KLHL2: variants seen among roughly 807,000 people sequenced by gnomAD.
KLHL2 encodes the protein kelch-like protein 2.
KLHL2 carries 15 observed loss-of-function variants against 75.8 expected under a neutral mutation model. The ratio of observed to expected loss-of-function variants is 0.20; its 90% CI spans 0.13 to 0.30. The LOEUF (loss-of-function observed/expected upper bound fraction) is 0.30. Among genes scored for constraint, KLHL2 ranks in the 10% least tolerant of loss-of-function variants. The probability of loss-of-function intolerance (pLI) is 1.00; values close to 1 mark genes in which losing one functional copy is unlikely to be tolerated. For missense variants in KLHL2, 381 were observed against 741.0 expected, an observed-to-expected ratio of 0.51 and a Z score of 5.64; for synonymous variants, 214 against 251.9, an observed-to-expected ratio of 0.85 and a Z score of 1.42.
rs546520942 is a variant in KLHL2 at position 165,208,024 on chromosome 4, G to C, written c.26+122G>C. Reference sequence around the variant, plus strand: ...GGGCCGGCGGGAGGTGGGAGATGCGGGGCGTGACGAGGCGCTGTGCCCGCA... The same window carrying C: ...GGGCCGGCGGGAGGTGGGAGATGCGCGGCGTGACGAGGCGCTGTGCCCGCA... On this transcript the variant is annotated intron_variant, in intron 1 of 14. Transcript: ENST00000226725. The C allele has an allele frequency of 1.4e-4, 86 of 602,168 alleles. No homozygotes were observed. In the East Asian group the frequency reaches 3.7e-3, roughly 26 times the overall value. The allele number at this position is 602,168 out of a possible 1,614,324, so 37.3% of individuals were successfully genotyped here.
chr4:165,235,909 A>G (rs1739309037), intron 3 of KLHL2, among the ~76,000 whole-genome samples: 1 of 152,176 alleles, frequency 6.6e-6, no homozygotes, highest in African/African-American at 2.4e-5. Flanking sequence ...CAAGTTTAGA[A>G]ATAGCGGGAG....
intron 2 of KLHL2, among the ~76,000 whole-genome samples, chr4:165,221,654 A>C (rs1578980355): frequency 6.6e-6 from 1 of 152,224 alleles, no homozygotes; most frequent in Non-Finnish European, 1.5e-5. Flanking sequence ...GATCAGATTT[A>C]TATTTTGAAC....
chr4:165,228,856 T>G lies in KLHL2; in HGVS notation c.202T>G (p.Ser68Ala), dbSNP rs146828521. The G allele has an allele frequency of 1.5e-4, 235 of 1,613,572 alleles. No homozygotes were observed. In the African/African-American group the frequency reaches 2.8e-3, roughly 19 times the overall value. Residue 68 changes from serine to alanine, a missense_variant, in exon 3 of 15, where the codon TCT (serine) becomes GCT (alanine). Ser to Ala is a moderately conservative substitution (Grantham distance 99). Transcript: ENST00000226725. ...AATTGTGGCAGAAGACATGGAAATT[T>G]CTGCTCATAGAGTGGTGCTGGCCGC... ...VTIVAEDMEI[S>A]AHRVVLAACS... is the part of the protein sequence containing the mutation.
intron 11 of KLHL2, among the ~76,000 whole-genome samples, chr4:165,311,831 G>C (rs984571062): frequency 6.6e-6 from 1 of 151,570 alleles, no homozygotes; most frequent in African/African-American, 2.4e-5. Flanking sequence ...GTGTGTGTGT[G>C]TGTGTGTGTG....
chr4:165,224,049 G>A (rs776192432), intron 2 of KLHL2: 1 of 315,994 alleles, frequency 3.2e-6, no homozygotes, highest in South Asian at 2.3e-5. Context: ...CGAGTAGCTG[G>A]GATTACAGGT....
intron 5 of KLHL2, among the ~76,000 whole-genome samples, chr4:165,292,455 C>A (rs1744592399): frequency 6.6e-6 from 1 of 152,078 alleles, no homozygotes; most frequent in African/African-American, 2.4e-5. Context: ...TCCTCAGCCT[C>A]CCAAGTAGCT....
chr4:165,257,026 CTT>C (rs1030530570), intron 4 of KLHL2, among the ~76,000 whole-genome samples: 2 of 152,120 alleles, frequency 1.3e-5, no homozygotes, highest in African/African-American at 4.8e-5. Context: ...TTATTTTTCT[CTT>C]GTTATTGGAC....
At chr4:165,297,514 C>A in intron 6 of KLHL2, 95 bp from the exon 7 acceptor site, 2 of 742,358 alleles carry the variant, frequency 2.7e-6, no homozygotes, top group Non-Finnish European at 4.8e-6. Context: ...GATGTCTTAG[C>A]AAGAGTTATA....
At chr4:165,253,601 G>A (rs1439092900) in intron 4 of KLHL2, among the ~76,000 whole-genome samples, 2 of 152,194 alleles carry the variant, frequency 1.3e-5, no homozygotes, top group African/African-American at 4.8e-5. Flanking sequence ...AGTTTGCTAA[G>A]TTATAACAAA....
intron 5 of KLHL2, among the ~76,000 whole-genome samples, chr4:165,277,626 A>C (rs1743229486): frequency 6.6e-6 from 1 of 152,196 alleles, no homozygotes; most frequent in Non-Finnish European, 1.5e-5. Context: ...GTTTGATGGA[A>C]GATTCCAATG....
At chr4:165,226,209 A>G (rs1176048312) in intron 2 of KLHL2, among the ~76,000 whole-genome samples, 2 of 152,228 alleles carry the variant, frequency 1.3e-5, no homozygotes, top group Non-Finnish European at 1.5e-5. Context: ...GCTTTATTCT[A>G]GAGAGACCAT....
chr4:165,281,933 A>G (rs1426965363), intron 5 of KLHL2, among the ~76,000 whole-genome samples: 1 of 152,214 alleles, frequency 6.6e-6, no homozygotes, highest in Non-Finnish European at 1.5e-5. Flanking sequence ...TGATGATTAA[A>G]TGTCAGTATA....
At chr4:165,311,401 C>A in intron 10 of KLHL2, 63 bp from the exon 11 acceptor site, 1 of 1,160,408 alleles carries the variant, frequency 8.6e-7, no homozygotes, top group Non-Finnish European at 1.3e-6. Context: ...AGTATTTTTC[C>A]ATATATATGA....
intron 8 of KLHL2, among the ~76,000 whole-genome samples, chr4:165,301,982 C>T (rs77934656): frequency 0.012 from 1,799 of 152,132 alleles, 18 homozygotes; most frequent in Middle Eastern, 0.024. Flanking sequence ...TTACATTGTT[C>T]CTGGACTTCT....
At chr4:165,223,558 C>T (rs1050603684) in intron 2 of KLHL2, among the ~76,000 whole-genome samples, 2 of 152,112 alleles carry the variant, frequency 1.3e-5, no homozygotes, top group African/African-American at 4.8e-5. Flanking sequence ...GGAGTCTGTG[C>T]AGAAAAGGTT....
At chr4:165,304,213 A>G (rs1302016670) in intron 8 of KLHL2, among the ~76,000 whole-genome samples, 1 of 152,148 alleles carries the variant, frequency 6.6e-6, no homozygotes, top group Non-Finnish European at 1.5e-5. Flanking sequence ...AAAATTATGT[A>G]GTTGGTTTAT....
intron 11 of KLHL2, among the ~76,000 whole-genome samples, 153 bp from the exon 12 acceptor site, chr4:165,313,085 C>T (rs1246181209): frequency 2.6e-5 from 4 of 152,172 alleles, no homozygotes; most frequent in African/African-American, 9.7e-5. Context: ...TTAGGCAAGA[C>T]CCTAATATAT....
chr4:165,249,225 A>G (rs1740491846), intron 4 of KLHL2, among the ~76,000 whole-genome samples: 1 of 152,242 alleles, frequency 6.6e-6, no homozygotes, highest in East Asian at 1.9e-4. Flanking sequence ...AGGTCTAGAA[A>G]CTATTTTGTT....
At chr4:165,260,553 T>TAC (rs1318207917) in intron 4 of KLHL2, among the ~76,000 whole-genome samples, 2 of 151,596 alleles carry the variant, frequency 1.3e-5, no homozygotes, top group African/African-American at 4.9e-5. Flanking sequence ...AAAAGCCTGC[T>TAC]ACACACACAT....
Sources: gnomAD v4.1 joint callset for allele counts (sites outside exome capture counted in the v4.1 genomes callset) on GRCh38, gnomAD v4.1.1 for gene constraint, MANE v1.5 for transcripts, NCBI Gene and HGNC (gene_info 2026-07-23, HGNC 2026-07-21) for gene names.